The following EPB41 variants were observed in gnomAD, a reference collection of about 807,000 sequenced individuals.
EPB41 encodes protein 4.1.
EPB41 carries 65 observed loss-of-function variants against 108.0 expected under a neutral mutation model. The observed-to-expected ratio is 0.60, with a 90% CI of 0.49 to 0.74. EPB41 has a LOEUF of 0.74. Ranked by LOEUF, EPB41 falls within the 30% of genes least tolerant of loss-of-function variation. The pLI, the probability that EPB41 is intolerant of heterozygous loss-of-function variation, is 0.00. For synonymous variants in EPB41, 336 were observed against 358.9 expected, an observed-to-expected ratio of 0.94 and a Z score of 0.72; for missense variants, 875 against 1,037.0, an observed-to-expected ratio of 0.84 and a Z score of 2.15.
intron 11 of EPB41, among the ~76,000 whole-genome samples, chr1:29,051,088 GTTTTTTTTTTTT>G (rs71586885): frequency 5.8e-5 from 3 of 51,576 alleles, no homozygotes; most frequent in African/African-American, 1.8e-4. Context: ...TTCTTTTTCT[GTTTTTTTTTTTT>G]TTTTTTTTTT....
At chr1:28,966,419 T>G (rs1431517966) in intron 1 of EPB41, among the ~76,000 whole-genome samples, 7 of 152,170 alleles carry the variant, frequency 4.6e-5, no homozygotes, top group Admixed American at 4.6e-4. Context: ...TTTTGTTCAT[T>G]TATTTGTTCA....
intron 1 of EPB41, among the ~76,000 whole-genome samples, chr1:28,984,313 C>T (rs967152882): frequency 2.6e-5 from 4 of 152,160 alleles, no homozygotes; most frequent in Non-Finnish European, 5.9e-5. Context: ...GGTAGGGTTT[C>T]GTCAGAGACC....
chr1:28,889,490 C>T (rs1372557903), intron 1 of EPB41, among the ~76,000 whole-genome samples: 1 of 152,270 alleles, frequency 6.6e-6, no homozygotes, highest in Non-Finnish European at 1.5e-5. Context: ...GGCCGCCTTA[C>T]TCCCCAGACG....
At chr1:28,963,921 C>T (rs1431408032) in intron 1 of EPB41, among the ~76,000 whole-genome samples, 1 of 152,170 alleles carries the variant, frequency 6.6e-6, no homozygotes, top group Non-Finnish European at 1.5e-5. Flanking sequence ...TTTTTTCTGA[C>T]TCTGAAGCTG....
At position 28,943,854 on chromosome 1, in the gene EPB41, C is replaced by CTAGA. The variant is rs542873953; in HGVS notation, c.-8+29087_-8+29088insAGAT. ...GCTGCCATATGATCTAGTGATCCCACTGCTGGATATATACCCAATAGAAAG... is the reference window on the plus strand; with the variant it reads ...GCTGCCATATGATCTAGTGATCCCACTAGATGCTGGATATATACCCAATAGAAAG... On this transcript the variant is annotated intron_variant, in intron 1 of 20. Coordinates refer to ENST00000343067, the MANE Select transcript of EPB41 (RefSeq NM_001376013.1). 3.3e-4 allele frequency among the ~76,000 whole-genome samples: 51 copies of CTAGA among 152,240 alleles called. 1 individual carries two copies. Among genetic ancestry groups the CTAGA allele is most frequent in the East Asian group, 3.1e-3 (16 of 5,180 alleles).
intron 8 of EPB41, among the ~76,000 whole-genome samples, chr1:29,030,909 G>A (rs2096780956): frequency 6.6e-6 from 1 of 151,674 alleles, no homozygotes; most frequent in Non-Finnish European, 1.5e-5. Flanking sequence ...TGCAAGCTCC[G>A]CCTCCCAGGT....
upstream of EPB41, among the ~76,000 whole-genome samples, chr1:28,913,335 G>A (rs969680005): frequency 6.6e-6 from 1 of 152,168 alleles, no homozygotes; most frequent in Non-Finnish European, 1.5e-5. Context: ...CTACTCGGGA[G>A]GCTGAGGCAG....
chr1:28,975,582 A>G (rs2095584492), intron 1 of EPB41, among the ~76,000 whole-genome samples: 1 of 152,140 alleles, frequency 6.6e-6, no homozygotes, highest in Non-Finnish European at 1.5e-5. Context: ...ATCAAGTCCC[A>G]ACAATTTAGC....
chr1:28,941,039 A>G (rs2094261697), intron 1 of EPB41, among the ~76,000 whole-genome samples: 1 of 152,184 alleles, frequency 6.6e-6, no homozygotes. Context: ...ATTTCACAGT[A>G]TTAAACAGAA....
chr1:28,926,742 A>G (rs533042043), intron 1 of EPB41, among the ~76,000 whole-genome samples: 1 of 152,354 alleles, frequency 6.6e-6, no homozygotes, highest in Admixed American at 6.5e-5. Flanking sequence ...TCCCTTTGAT[A>G]AAATCTGACC....
At chr1:28,996,772 A>G (rs1006859483) in intron 3 of EPB41, among the ~76,000 whole-genome samples, 1 of 152,228 alleles carries the variant, frequency 6.6e-6, no homozygotes, top group Non-Finnish European at 1.5e-5. Flanking sequence ...AAGTTTGTTG[A>G]TCACCAAAGA....
At chr1:29,020,973 A>G (rs2096636905) in intron 7 of EPB41, among the ~76,000 whole-genome samples, 1 of 152,146 alleles carries the variant, frequency 6.6e-6, no homozygotes, top group African/African-American at 2.4e-5. Context: ...ATCTGATCAT[A>G]ATAGAATCTC....
intron 1 of EPB41, among the ~76,000 whole-genome samples, chr1:28,907,115 G>GAGTAC (rs948972197): frequency 2.9e-4 from 44 of 150,126 alleles, no homozygotes; most frequent in African/African-American, 9.8e-4. Context: ...ACCCAGGCAG[G>GAGTAC]AGTACAGTGT....
chr1:29,105,743 CTTT>C (rs63685960), intron 17 of EPB41, among the ~76,000 whole-genome samples: 2 of 91,080 alleles, frequency 2.2e-5, no homozygotes, highest in Non-Finnish European at 4.0e-5. Flanking sequence ...ATGTACAGAT[CTTT>C]TTTTTTTTTT....
In EPB41 at chr1:28,914,780, C is replaced by T. The variant is rs2092464470; in HGVS notation, c.-8+12C>T. ...CCCCGGAGCCACCGGTGAGGCGAGG[C>T]GGCGGCGGCGGCGCGGGAGCCGGGG... On this transcript the variant is annotated intron_variant, in intron 1 of 20. Coordinates refer to ENST00000343067, the MANE Select transcript of EPB41 (RefSeq NM_001376013.1). 6.5e-6 allele frequency: 1 copy of T among 153,190 alleles called. No individual in the cohort carries two copies. Among genetic ancestry groups the T allele is most frequent in the Non-Finnish European group, 1.5e-5 (1 of 68,590 alleles). 9.5% of individuals were successfully genotyped at this position (153,190 alleles called of 1,614,324 possible). A position where few individuals can be genotyped will look rare whatever the true frequency, so the allele number is the denominator to read the frequency against.
At chr1:29,071,245 G>A (rs1651235451) in intron 16 of EPB41, 1 of 152,076 alleles carries the variant, frequency 6.6e-6, no homozygotes, top group South Asian at 2.1e-4. Context: ...ACTTTTTCCT[G>A]CCTGGTGTAT....
In EPB41 at chr1:29,053,235, G is replaced by A; in HGVS notation, c.1768G>A (p.Glu590Lys). ...KKTVVPKAQK[E>K]TVKAEVKKED... ...AACAGTGGTCCCTAAAGCACAGAAG[G>A]AAACAGTGAAGGCTGAAGTGAAAAA... Residue 590 changes from glutamate to lysine, a missense_variant, in exon 12 of 21, where the codon GAA becomes AAA. By Grantham distance (56) the Glu-to-Lys change is moderately conservative. This residue lies in a region of EPB41 where 519 missense variants were observed against 627.3 expected (regional missense o/e 0.83). Coordinates refer to ENST00000343067, the MANE Select transcript of EPB41 (RefSeq NM_001376013.1). 3 of 1,614,168 alleles carry A rather than the reference G, an allele frequency of 1.9e-6. No individual in the cohort carries two copies. Among genetic ancestry groups the A allele is most frequent in the Non-Finnish European group, 2.5e-6 (3 of 1,180,034 alleles).
chr1:28,984,542 A>G (rs542717717), intron 1 of EPB41, among the ~76,000 whole-genome samples: 3 of 152,206 alleles, frequency 2.0e-5, no homozygotes. Context: ...TGTTGAATGA[A>G]TCAATTAGTA....
At chr1:29,015,880 T>C in intron 6 of EPB41, 113 bp downstream of exon 6, 1 of 730,888 alleles carries the variant, frequency 1.4e-6, no homozygotes, top group Non-Finnish European at 2.3e-6. Flanking sequence ...TGAAGAAAAA[T>C]AATGATATTA....
Sources: allele counts gnomAD v4.1 joint callset (sites outside exome capture counted in the v4.1 genomes callset), GRCh38; gene constraint gnomAD v4.1.1; regional missense constraint gnomAD v4.1.1; transcripts MANE v1.5; gene names NCBI Gene and HGNC (gene_info 2026-07-23, HGNC 2026-07-21).